The following RALYL variants were observed in gnomAD, a reference collection of about 807,000 sequenced individuals.
RALYL encodes the protein RNA-binding Raly-like protein.
RALYL carries 29 observed loss-of-function variants against 35.1 expected under a neutral mutation model. The ratio of observed to expected loss-of-function variants is 0.83; its 90% CI spans 0.61 to 1.13. RALYL has a LOEUF of 1.13. Ranked by LOEUF, RALYL falls within the 50% of genes most tolerant of loss-of-function variation. The probability of loss-of-function intolerance (pLI) is 0.00; values close to 1 mark genes in which losing one functional copy is unlikely to be tolerated. For missense variants in RALYL, 359 were observed against 360.4 expected, an observed-to-expected ratio of 1.00 and a Z score of 0.03; for synonymous variants, 120 against 127.6, an observed-to-expected ratio of 0.94 and a Z score of 0.40.
chr8:84,682,974 C>T (rs1252698904), intron 2 of RALYL, among the ~76,000 whole-genome samples: 3 of 152,146 alleles, frequency 2.0e-5, no homozygotes, highest in Non-Finnish European at 1.5e-5. Flanking sequence ...CTCCTGTGGG[C>T]ATTTAGTGCT....
At chr8:84,623,348 C>T (rs1377799566) in intron 2 of RALYL, among the ~76,000 whole-genome samples, 2 of 152,070 alleles carry the variant, frequency 1.3e-5, no homozygotes, top group South Asian at 2.1e-4. Context: ...ATAATCACTA[C>T]CCATTTTCAC....
Position 84,338,581 on chromosome 8 carries a change from C to T in RALYL, c.-24+154157C>T, listed in dbSNP as rs1346211153. Among the ~76,000 whole-genome samples, 12 of 151,860 alleles carry T rather than the reference C, an allele frequency of 7.9e-5. 1 individual carries two copies. The highest frequency in any genetic ancestry group is 7.9e-4 in the Admixed American group (12 of 15,212). Reference sequence around the variant, plus strand: ...GAGCTCTCTTAAAACATGAATAATGCTACATATTTTGAGTGGAAGTGTAAC... The same window carrying T: ...GAGCTCTCTTAAAACATGAATAATGTTACATATTTTGAGTGGAAGTGTAAC... On this transcript the variant is annotated intron_variant, in intron 1 of 8. Transcript: ENST00000521268.
chr8:84,294,514 A>G lies in RALYL; in HGVS notation c.-24+110090A>G, dbSNP rs1839386879. Among the ~76,000 whole-genome samples the G allele has an allele frequency of 2.0e-5, 3 of 152,204 alleles. No homozygotes were observed. In the South Asian group the frequency reaches 6.2e-4, roughly 32 times the overall value. On this transcript the variant is annotated intron_variant, in intron 1 of 8. Transcript: ENST00000521268. ...TTTACTAATTCCTGTTAAAAGCTTG[A>G]CTGGAAAATTAATAATTCTGAAAAA...
At chr8:84,188,902 C>T (rs1439525643) in intron 1 of RALYL, among the ~76,000 whole-genome samples, 1 of 152,036 alleles carries the variant, frequency 6.6e-6, no homozygotes, top group African/African-American at 2.4e-5. Context: ...CTAAATTCTT[C>T]CTTACGTTTA....
Position 84,917,300 on chromosome 8 carries a change from A to G in RALYL, c.859-3594A>G, listed in dbSNP as rs552576420. ...GTTTGAGTTATAAAACTGAACAGTT[A>G]GGAGGGGCAGGGAAATAAGGACAGA... On this transcript the variant is annotated intron_variant, in intron 8 of 8. Transcript: ENST00000521268. Among the ~76,000 whole-genome samples the G allele has an allele frequency of 9.2e-5, 14 of 152,102 alleles. No homozygotes were observed. In the East Asian group the frequency reaches 2.7e-3, roughly 29 times the overall value.
At chr8:84,905,173 G>A (rs2135598332) in intron 8 of RALYL, among the ~76,000 whole-genome samples, 1 of 152,162 alleles carries the variant, frequency 6.6e-6, no homozygotes, top group African/African-American at 2.4e-5. Flanking sequence ...CCTCATATAA[G>A]TGAAATCACA....
chr8:84,510,675 T>C (rs1421069913), intron 1 of RALYL, among the ~76,000 whole-genome samples: 2 of 152,088 alleles, frequency 1.3e-5, no homozygotes, highest in Non-Finnish European at 2.9e-5. Flanking sequence ...CTGTGCCTGG[T>C]GGCACATGCC....
chr8:84,688,546 T>C (rs1264688974), intron 2 of RALYL, among the ~76,000 whole-genome samples: 1 of 152,110 alleles, frequency 6.6e-6, no homozygotes, highest in Non-Finnish European at 1.5e-5. Flanking sequence ...AACTTGATTC[T>C]TGTTTTACCC....
At chr8:84,614,705 G>A (rs1819047695) in intron 2 of RALYL, among the ~76,000 whole-genome samples, 1 of 151,022 alleles carries the variant, frequency 6.6e-6, no homozygotes, top group South Asian at 2.1e-4. Context: ...CTCTACAGAG[G>A]GCTGTAAAGT....
chr8:84,710,866 A>G (rs1458312151), intron 2 of RALYL, among the ~76,000 whole-genome samples: 5 of 152,158 alleles, frequency 3.3e-5, no homozygotes, highest in African/African-American at 1.2e-4. Context: ...CAATGAGCAA[A>G]ACAACATTTT....
At chr8:84,552,023 CAGAG>C (rs1294063936) in intron 2 of RALYL, among the ~76,000 whole-genome samples, 5 of 150,484 alleles carry the variant, frequency 3.3e-5, no homozygotes, top group African/African-American at 1.2e-4. Context: ...CATACACATA[CAGAG>C]AGAGAGAGTT....
At chr8:84,284,288 T>C (rs1425492635) in intron 1 of RALYL, among the ~76,000 whole-genome samples, 2 of 152,152 alleles carry the variant, frequency 1.3e-5, no homozygotes, top group Admixed American at 6.6e-5. Flanking sequence ...TATAGAAGGT[T>C]AGTTATTTTC....
At chr8:84,353,468 A>ACCT (rs1563777689) in intron 1 of RALYL, among the ~76,000 whole-genome samples, 1 of 150,480 alleles carries the variant, frequency 6.6e-6, no homozygotes, top group Non-Finnish European at 1.5e-5. Context: ...CAAGACTATA[A>ACCT]CATGCAGCTT....
intron 3 of RALYL, among the ~76,000 whole-genome samples, chr8:84,799,917 C>T (rs531715958): frequency 2.4e-4 from 36 of 152,312 alleles, no homozygotes; most frequent in Middle Eastern, 3.4e-3. Context: ...GATCACGCCA[C>T]TGCACTCCAG....
At chr8:84,443,623 G>A (rs2133027072) in intron 1 of RALYL, among the ~76,000 whole-genome samples, 1 of 152,230 alleles carries the variant, frequency 6.6e-6, no homozygotes, top group African/African-American at 2.4e-5. Flanking sequence ...GCAGCCTTGT[G>A]ATCACAATCT....
At chr8:84,833,455 TGAA>T (rs1431474526) in intron 4 of RALYL, among the ~76,000 whole-genome samples, 1 of 151,910 alleles carries the variant, frequency 6.6e-6, no homozygotes, top group Non-Finnish European at 1.5e-5. Context: ...CTGGCCAACA[TGAA>T]GAAACCCTGT....
intron 8 of RALYL, among the ~76,000 whole-genome samples, chr8:84,916,606 C>T (rs767963897): frequency 6.6e-6 from 1 of 152,002 alleles, no homozygotes; most frequent in Non-Finnish European, 1.5e-5. Context: ...TTGCCTTCTG[C>T]CATGATTGTG....
chr8:84,691,803 A>G (rs1220640617), intron 2 of RALYL, among the ~76,000 whole-genome samples: 1 of 152,096 alleles, frequency 6.6e-6, no homozygotes, highest in African/African-American at 2.4e-5. Flanking sequence ...GTGAGAAAAT[A>G]TAGTCCAACT....
At chr8:84,267,708 T>G (rs1274169300) in intron 1 of RALYL, among the ~76,000 whole-genome samples, 1 of 152,178 alleles carries the variant, frequency 6.6e-6, no homozygotes, top group Non-Finnish European at 1.5e-5. Context: ...AAAAACAAAC[T>G]GTTTATTAGT....
Sources: allele counts gnomAD v4.1 joint callset (sites outside exome capture counted in the v4.1 genomes callset), GRCh38; gene constraint gnomAD v4.1.1; transcripts MANE v1.5; gene names NCBI Gene and HGNC (gene_info 2026-07-23, HGNC 2026-07-21).